PCCA: variants seen among roughly 807,000 people sequenced by gnomAD.
PCCA encodes the protein propionyl-CoA carboxylase alpha chain, mitochondrial.
Under a neutral mutation model 101.3 loss-of-function variants are expected in PCCA, and 74 were observed. The observed-to-expected ratio is 0.73, with a 90% CI of 0.61 to 0.89. The LOEUF (loss-of-function observed/expected upper bound fraction) is 0.89, where lower values mean the gene tolerates loss of function less well. PCCA is among the 40% of genes least tolerant of loss of function. The probability of loss-of-function intolerance (pLI) is 0.00; values close to 1 mark genes in which losing one functional copy is unlikely to be tolerated. For synonymous variants in PCCA, 294 were observed against 313.6 expected (o/e 0.94, Z 0.66); for missense variants, 891 against 907.0 (o/e 0.98, Z 0.23).
chr13:100,176,890 G>C (rs2056290178), intron 6 of PCCA, among the ~76,000 whole-genome samples: 1 of 152,156 alleles, frequency 6.6e-6, no homozygotes, highest in Admixed American at 6.5e-5. Flanking sequence ...TGTAGCCTTT[G>C]TAAAAAATGT....
chr13:100,340,669 C>T (rs899399344), intron 18 of PCCA, among the ~76,000 whole-genome samples: 1 of 152,174 alleles, frequency 6.6e-6, no homozygotes, highest in African/African-American at 2.4e-5. Context: ...AAGGAATTAA[C>T]ACCAGGTTGA....
At chr13:100,273,734 C>T (rs1024370957) in intron 12 of PCCA, among the ~76,000 whole-genome samples, 2 of 152,132 alleles carry the variant, frequency 1.3e-5, no homozygotes, top group Non-Finnish European at 2.9e-5. Flanking sequence ...GAGTGAACTT[C>T]GGTGGTGACT....
At chr13:100,101,794 G>A (rs1030249160) in intron 1 of PCCA, among the ~76,000 whole-genome samples, 4 of 151,944 alleles carry the variant, frequency 2.6e-5, no homozygotes, top group African/African-American at 9.7e-5. Flanking sequence ...GTAGAGACGG[G>A]ATTTCGCCAT....
rs770949178 is a variant in PCCA, at chr13:100,209,435, C to T, written c.572C>T (p.Thr191Ile). The T allele has an allele frequency of 6.2e-7, 1 of 1,612,982 alleles. No individual in the cohort carries two copies. Among genetic ancestry groups the T allele is most frequent in the Non-Finnish European group, 8.5e-7 (1 of 1,179,108 alleles). Residue 191 changes from threonine (T) to isoleucine (I), a missense_variant, in exon 7 of 24, where the codon ACA becomes ATA. Transcript: ENST00000376285. ...KLLAKKAEVN[T>I]IPGFDGVVKD... is the part of the protein sequence containing the mutation. ...TTAGCTAAGAAAGCAGAGGTTAATACAATCCCTGGCTTTGATGGAGTAGTC... is the reference window on the plus strand; with the variant it reads ...TTAGCTAAGAAAGCAGAGGTTAATATAATCCCTGGCTTTGATGGAGTAGTC...
chr13:100,357,585 T>G (rs1410363252), intron 18 of PCCA, among the ~76,000 whole-genome samples: 1 of 152,242 alleles, frequency 6.6e-6, no homozygotes, highest in Non-Finnish European at 1.5e-5. Flanking sequence ...TAGTGTATTT[T>G]CAATGAATTC....
At chr13:100,178,702 TC>T (rs1566644294) in intron 6 of PCCA, among the ~76,000 whole-genome samples, 6 of 152,192 alleles carry the variant, frequency 3.9e-5, no homozygotes, top group Admixed American at 3.9e-4. Flanking sequence ...GTAATATTTT[TC>T]TTTCTTTGAT....
chr13:100,192,785 C>T (rs2057824496), intron 6 of PCCA, among the ~76,000 whole-genome samples: 2 of 152,150 alleles, frequency 1.3e-5, no homozygotes, highest in Admixed American at 6.6e-5. Flanking sequence ...TTTCCAAATC[C>T]TAATTGTCCT....
rs564247168 is a variant in PCCA, at chr13:100,446,276, C to T, written c.1846-2976C>T. ...AACTCCTGACCTCAAATGATCCACC[C>T]ACCTTAGCCTCCCAAAGTGCTGGGA... On this transcript the variant is annotated intron_variant, in intron 20 of 23. Coordinates refer to ENST00000376285, the MANE Select transcript of PCCA (RefSeq NM_000282.4). Among the ~76,000 whole-genome samples the T allele has an allele frequency of 9.9e-4, 150 of 152,252 alleles. 1 individual carries two copies. The highest frequency in any genetic ancestry group is 9.6e-3 in the Admixed American group (147 of 15,288).
chr13:100,108,289 T>A (rs1331497380), intron 2 of PCCA, among the ~76,000 whole-genome samples: 1 of 152,190 alleles, frequency 6.6e-6, no homozygotes, highest in Non-Finnish European at 1.5e-5. Flanking sequence ...CTGCCAAAGT[T>A]CTTCATTATC....
intron 21 of PCCA, among the ~76,000 whole-genome samples, chr13:100,500,654 T>C (rs2085599095): frequency 6.6e-6 from 1 of 152,196 alleles, no homozygotes; most frequent in Non-Finnish European, 1.5e-5. Context: ...ACTTACAGAC[T>C]AGAGAGGCCT....
At chr13:100,235,279 A>G (rs1454251891) in intron 7 of PCCA, among the ~76,000 whole-genome samples, 4 of 91,892 alleles carry the variant, frequency 4.4e-5, no homozygotes, top group Non-Finnish European at 7.0e-5. Flanking sequence ...TATGTACCTG[A>G]AAAAAAAAAA....
chr13:100,323,917 G>T (rs1396684615), intron 16 of PCCA, among the ~76,000 whole-genome samples: 1 of 152,130 alleles, frequency 6.6e-6, no homozygotes, highest in African/African-American at 2.4e-5. Context: ...GATAGACCTG[G>T]TATTTGAACT....
intron 21 of PCCA, among the ~76,000 whole-genome samples, chr13:100,485,162 G>A (rs2152973832): frequency 6.6e-6 from 1 of 152,344 alleles, no homozygotes; most frequent in South Asian, 2.1e-4. Flanking sequence ...AATGGGTGTA[G>A]AAGAGAAAAG....
chr13:100,170,847 C>G (rs1303902183), intron 6 of PCCA, among the ~76,000 whole-genome samples: 1 of 152,144 alleles, frequency 6.6e-6, no homozygotes, highest in African/African-American at 2.4e-5. Flanking sequence ...AATCTATACA[C>G]AAGTAACAGC....
At chr13:100,489,808 AG>A (rs1375060883) in intron 21 of PCCA, among the ~76,000 whole-genome samples, 1 of 152,230 alleles carries the variant, frequency 6.6e-6, no homozygotes, top group Non-Finnish European at 1.5e-5. Flanking sequence ...CAGGTGAACA[AG>A]GGAGGGGTCC....
Position 100,102,595 on chromosome 13 carries a change from A to G in PCCA, c.106-288A>G, listed in dbSNP as rs956728753. Among the ~76,000 whole-genome samples the G allele has an allele frequency of 2.0e-5, 3 of 152,168 alleles. No homozygotes were observed. The East Asian group carries it at 5.8e-4, about 29-fold the overall frequency. ...TCTGTGACATTTCTGACCCTGCTCT[A>G]TCCTTTTGAATGATCAGAAAGGCTT... is the stretch of plus-strand genomic sequence containing the variant. On this transcript the variant is annotated intron_variant, in intron 1 of 23. Coordinates refer to ENST00000376285, the MANE Select transcript of PCCA (RefSeq NM_000282.4).
intron 19 of PCCA, among the ~76,000 whole-genome samples, chr13:100,415,293 G>C (rs2078294216): frequency 6.6e-6 from 1 of 151,654 alleles, no homozygotes; most frequent in African/African-American, 2.4e-5. Context: ...TGTAACCCCA[G>C]CTACTCAACC....
intron 4 of PCCA, among the ~76,000 whole-genome samples, chr13:100,123,094 T>C (rs923510792): frequency 6.6e-6 from 1 of 152,250 alleles, no homozygotes; most frequent in South Asian, 2.1e-4. Flanking sequence ...TCTCACTCTG[T>C]CGTCCAGGCT....
intron 8 of PCCA, among the ~76,000 whole-genome samples, chr13:100,241,351 T>C (rs558556451): frequency 1.3e-5 from 2 of 152,364 alleles, no homozygotes; most frequent in Non-Finnish European, 2.9e-5. Context: ...TCACAACATA[T>C]GAACTTTTGT....
Sources: allele counts gnomAD v4.1 joint callset (sites outside exome capture counted in the v4.1 genomes callset), GRCh38; gene constraint gnomAD v4.1.1; transcripts MANE v1.5; gene names NCBI Gene and HGNC (gene_info 2026-07-23, HGNC 2026-07-21).